The following OTUD7A variants were observed in gnomAD, a reference collection of about 807,000 sequenced individuals.
The protein encoded by OTUD7A is OTU deubiquitinase 7A, also known as OTU domain-containing protein 7A.
In OTUD7A, 12 loss-of-function variants were observed where a neutral mutation model predicts 65.7. The observed-to-expected ratio is 0.18, with a 90% CI of 0.12 to 0.30. The LOEUF is 0.30. Ranked by LOEUF, OTUD7A falls within the 10% of genes least tolerant of loss-of-function variation. OTUD7A has a pLI of 1.00. For missense variants in OTUD7A, 1,148 were observed against 1,304.8 expected (o/e 0.88, Z 1.85); for synonymous variants, 641 against 586.3 (o/e 1.09, Z -1.35).
At chr15:31,737,492 T>A (rs1161530278) in intron 1 of OTUD7A, among the ~76,000 whole-genome samples, 2 of 152,172 alleles carry the variant, frequency 1.3e-5, no homozygotes, top group African/African-American at 4.8e-5. Context: ...GTCAGAGGGA[T>A]TTATTGAGCA....
At chr15:31,550,449 A>G (rs1234599127) in intron 5 of OTUD7A, among the ~76,000 whole-genome samples, 1 of 152,212 alleles carries the variant, frequency 6.6e-6, no homozygotes, top group South Asian at 2.1e-4. Flanking sequence ...AGCAGCGCAC[A>G]GTGAACCTGC....
At chr15:31,594,697 T>C (rs1889851289) in intron 3 of OTUD7A, among the ~76,000 whole-genome samples, 1 of 152,212 alleles carries the variant, frequency 6.6e-6, no homozygotes, top group Non-Finnish European at 1.5e-5. Context: ...TACAAAATAA[T>C]GAGCCCCCAC....
At chr15:31,796,940 G>C (rs576126451) in intron 1 of OTUD7A, among the ~76,000 whole-genome samples, 42 of 152,188 alleles carry the variant, frequency 2.8e-4, no homozygotes, top group Non-Finnish European at 5.7e-4. Context: ...CACCATGTTG[G>C]CCAGGCTGGT....
At chr15:31,607,680 T>C (rs1046557283) in intron 3 of OTUD7A, among the ~76,000 whole-genome samples, 1 of 152,206 alleles carries the variant, frequency 6.6e-6, no homozygotes, top group Non-Finnish European at 1.5e-5. Context: ...TCTATATTTA[T>C]ATAGGATTAC....
In OTUD7A at chr15:31,507,634, TGGGGG is replaced by T. The variant is rs60691059; in HGVS notation, c.894-3821_894-3817del. Among the ~76,000 whole-genome samples, 384 of 69,468 alleles carry T rather than the reference TGGGGG, an allele frequency of 5.5e-3. 4 individuals carry two copies. Among genetic ancestry groups the T allele is most frequent in the African/African-American group, 0.024 (352 of 14,860 alleles). The allele number at this position is 69,468 out of a possible 152,430, so 45.6% of individuals were successfully genotyped here. On this transcript the variant is annotated intron_variant, in intron 8 of 12. Transcript: ENST00000307050. ...CGAGCAGGTTGCTGCCGCTGCTGGC[TGGGGG>T]GCGGGGGTGGCAAGCTTTTATTCCC...
At chr15:31,598,581 C>G (rs1889978739) in intron 3 of OTUD7A, among the ~76,000 whole-genome samples, 1 of 152,176 alleles carries the variant, frequency 6.6e-6, no homozygotes. Context: ...GGCAGCCGTT[C>G]AGGCAGACAC....
At chr15:31,859,778 C>G (rs1008465472) in intron 1 of OTUD7A, among the ~76,000 whole-genome samples, 4 of 152,158 alleles carry the variant, frequency 2.6e-5, no homozygotes, top group African/African-American at 9.7e-5. Context: ...AGTGCCCAGA[C>G]ATTAAGATTT....
At chr15:31,760,719 T>A (rs1894937760) in intron 1 of OTUD7A, among the ~76,000 whole-genome samples, 1 of 152,176 alleles carries the variant, frequency 6.6e-6, no homozygotes, top group South Asian at 2.1e-4. Flanking sequence ...CTAAAATTCA[T>A]ATGGAAATTC....
intron 1 of OTUD7A, among the ~76,000 whole-genome samples, chr15:31,772,251 C>CAAAAAA (rs34676002): frequency 2.5e-5 from 2 of 80,712 alleles, no homozygotes; most frequent in Admixed American, 1.3e-4. Flanking sequence ...GACTCCGTCT[C>CAAAAAA]AAAAAAAAAA....
At chr15:31,660,959 C>G (rs1595692645) in intron 1 of OTUD7A, among the ~76,000 whole-genome samples, 1 of 152,352 alleles carries the variant, frequency 6.6e-6, no homozygotes, top group Admixed American at 6.5e-5. Context: ...GCTTTGAGCC[C>G]ATTTCACTTG....
chr15:31,510,477 A>T (rs1422505854), intron 8 of OTUD7A, among the ~76,000 whole-genome samples: 1 of 148,708 alleles, frequency 6.7e-6, no homozygotes, highest in Non-Finnish European at 1.5e-5. Context: ...TTTTGAATAT[A>T]TATATGTATG....
chr15:31,785,557 C>T (rs566276621), intron 1 of OTUD7A, among the ~76,000 whole-genome samples: 3 of 152,272 alleles, frequency 2.0e-5, no homozygotes, highest in African/African-American at 7.2e-5. Context: ...CACCTATTAT[C>T]CTGACCAACT....
At chr15:31,499,260 T>C (rs7178180) in intron 10 of OTUD7A, among the ~76,000 whole-genome samples, 107,241 of 152,058 alleles carry the variant, frequency 0.71, 37,965 homozygotes, top group East Asian at 0.82. Context: ...TTCCTGGGGC[T>C]TGTGATTATT....
chr15:31,710,786 C>T (rs1595719810), intron 1 of OTUD7A, among the ~76,000 whole-genome samples: 1 of 152,240 alleles, frequency 6.6e-6, no homozygotes, highest in Non-Finnish European at 1.5e-5. Flanking sequence ...TCTCCCTTTG[C>T]TGTCCATAGA....
At chr15:31,534,439 A>G (rs1398139615) in intron 5 of OTUD7A, among the ~76,000 whole-genome samples, 1 of 152,220 alleles carries the variant, frequency 6.6e-6, no homozygotes, top group Non-Finnish European at 1.5e-5. Context: ...ACATACAGCT[A>G]ACATCATACC....
intron 1 of OTUD7A, among the ~76,000 whole-genome samples, chr15:31,849,117 G>A (rs1018645500): frequency 3.3e-5 from 5 of 152,112 alleles, no homozygotes; most frequent in East Asian, 1.9e-4. Context: ...TGGGTAACCC[G>A]ACCTTTCTCT....
intron 3 of OTUD7A, among the ~76,000 whole-genome samples, chr15:31,606,707 C>T (rs1001062942): frequency 1.3e-5 from 2 of 152,152 alleles, no homozygotes; most frequent in Admixed American, 6.5e-5. Flanking sequence ...GTCAGCAGCC[C>T]TTTATTCAAT....
intron 1 of OTUD7A, among the ~76,000 whole-genome samples, chr15:31,732,324 T>G (rs772778030): frequency 1.4e-4 from 21 of 152,262 alleles, no homozygotes; most frequent in Non-Finnish European, 2.4e-4. Flanking sequence ...CTGCTGTGGA[T>G]AACTTTGAGG....
chr15:31,634,384 C>T (rs1260957453), intron 3 of OTUD7A, among the ~76,000 whole-genome samples: 6 of 152,166 alleles, frequency 3.9e-5, no homozygotes, highest in Non-Finnish European at 7.3e-5. Flanking sequence ...TTGGGTGTCT[C>T]CTCTTCCACG....
Sources: gnomAD v4.1 joint callset for allele counts (sites outside exome capture counted in the v4.1 genomes callset) on GRCh38, gnomAD v4.1.1 for gene constraint, MANE v1.5 for transcripts, NCBI Gene and HGNC (gene_info 2026-07-23, HGNC 2026-07-21) for gene names.